RIMKLB: variants seen among roughly 807,000 people sequenced by gnomAD.
RIMKLB encodes the protein ribosomal modification protein rimK like family member B.
RIMKLB carries 7 observed loss-of-function variants against 32.0 expected under a neutral mutation model. The observed-to-expected ratio is 0.22, with a 90% CI of 0.12 to 0.41. The LOEUF (loss-of-function observed/expected upper bound fraction) is 0.41, where lower values mean the gene tolerates loss of function less well. Among genes scored for constraint, RIMKLB ranks in the 10% least tolerant of loss-of-function variants. RIMKLB has a pLI of 1.00. For missense variants in RIMKLB, 289 were observed against 498.7 expected, an observed-to-expected ratio of 0.58 and a Z score of 4.00; for synonymous variants, 172 against 185.1, an observed-to-expected ratio of 0.93 and a Z score of 0.57.
upstream of RIMKLB, among the ~76,000 whole-genome samples, chr12:8,695,848 C>G (rs1453878996): frequency 6.6e-6 from 1 of 152,164 alleles, no homozygotes; most frequent in Non-Finnish European, 1.5e-5. Context: ...CGTGCGCTAT[C>G]ACGCCTGGCT....
At chr12:8,697,979 T>TCG (rs746681662), upstream of RIMKLB, 1,518 of 154,348 alleles carry the variant, frequency 9.8e-3, 13 homozygotes, top group Non-Finnish European at 0.014. Context: ...GTGAGCGGGG[T>TCG]CGCGCGCGCG....
At chr12:8,751,882 CTT>C in intron 3 of RIMKLB, 73 bp from the exon 4 acceptor site, 1 of 965,194 alleles carries the variant, frequency 1.0e-6, no homozygotes, top group South Asian at 1.4e-5. Flanking sequence ...TGTTGGTTGT[CTT>C]TAGCGTTGAT....
chr12:8,681,518 C>T (rs927892889), upstream of RIMKLB: 3 of 152,124 alleles, frequency 2.0e-5, no homozygotes, highest in Non-Finnish European at 2.9e-5. Flanking sequence ...TAATGCATGA[C>T]GTAAGGTGTG....
rs1434698868 is a variant in RIMKLB at position 8,764,602 on chromosome 12, C to T, written c.698-8719C>T. On this transcript the variant is annotated intron_variant, in intron 5 of 5. Coordinates refer to ENST00000535829, the MANE Select transcript of RIMKLB (RefSeq NM_001297776.2). ...CCAGTGTCCAGGAGACAGTTAACCT[C>T]CTGGCCCTCAATGGTCAAGCATACC... Among the ~76,000 whole-genome samples the T allele has an allele frequency of 2.6e-5, 4 of 152,242 alleles. No homozygotes were observed. The East Asian group carries it at 5.8e-4, about 22-fold the overall frequency.
intron 2 of RIMKLB, among the ~76,000 whole-genome samples, chr12:8,727,629 G>A (rs779249464): frequency 6.6e-6 from 1 of 152,252 alleles, no homozygotes; most frequent in Admixed American, 6.5e-5. Flanking sequence ...GTTTTTGGCC[G>A]GACCTTGTTG....
intron 2 of RIMKLB, among the ~76,000 whole-genome samples, chr12:8,732,012 T>G (rs1946591705): frequency 6.6e-6 from 1 of 152,078 alleles, no homozygotes; most frequent in South Asian, 2.1e-4. Flanking sequence ...CTCCTTCCTC[T>G]TCCCCTGCCC....
At chr12:8,738,539 G>C (rs1215542108) in intron 2 of RIMKLB, among the ~76,000 whole-genome samples, 1 of 152,170 alleles carries the variant, frequency 6.6e-6, no homozygotes, top group African/African-American at 2.4e-5. Flanking sequence ...GACAGTATTT[G>C]TATGGTCATC....
At chr12:8,711,741 A>G (rs765507289) in intron 1 of RIMKLB, among the ~76,000 whole-genome samples, 2 of 151,726 alleles carry the variant, frequency 1.3e-5, no homozygotes, top group East Asian at 2.0e-4. Flanking sequence ...TACGTCAGGT[A>G]TTCTGGCGTG....
rs118016574 is a variant in RIMKLB at position 8,764,980 on chromosome 12, T to C, written c.698-8341T>C. Among the ~76,000 whole-genome samples the C allele has an allele frequency of 1.1e-3, 166 of 150,412 alleles. 1 individual carries two copies. Among genetic ancestry groups the C allele is most frequent in the Admixed American group, 1.8e-3 (27 of 14,990 alleles). On this transcript the variant is annotated intron_variant, in intron 5 of 5. Coordinates refer to ENST00000535829, the MANE Select transcript of RIMKLB (RefSeq NM_001297776.2). ...TTTGCCCCATTCCACCTGCTCCTCC[T>C]GATTTCTATTATAAAAAACCGAGAT...
intron 2 of RIMKLB, among the ~76,000 whole-genome samples, chr12:8,733,068 G>C (rs924050235): frequency 7.2e-5 from 11 of 152,058 alleles, no homozygotes; most frequent in African/African-American, 2.7e-4. Flanking sequence ...TAGTATGGCT[G>C]TATACTATTC....
intron 2 of RIMKLB, among the ~76,000 whole-genome samples, chr12:8,740,968 G>A (rs1280909987): frequency 4.0e-5 from 6 of 151,800 alleles, no homozygotes; most frequent in Admixed American, 1.3e-4. Flanking sequence ...CAGCATTTTG[G>A]GAGACTGAGG....
chr12:8,689,673 A>G (rs1297419312), intron 1 of RIMKLB, among the ~76,000 whole-genome samples: 1 of 151,814 alleles, frequency 6.6e-6, no homozygotes, highest in Non-Finnish European at 1.5e-5. Context: ...TTTTATTGAA[A>G]TCACTCCTTT....
At chr12:8,714,277 C>T (rs923406867) in intron 2 of RIMKLB, 1 of 384,320 alleles carries the variant, frequency 2.6e-6, no homozygotes, top group Non-Finnish European at 4.7e-6. Context: ...AACAATAAAA[C>T]AAAGTAGGCG....
downstream of RIMKLB, among the ~76,000 whole-genome samples, chr12:8,781,886 T>C (rs1039764056): frequency 1.3e-5 from 2 of 152,258 alleles, no homozygotes; most frequent in Admixed American, 6.5e-5. Flanking sequence ...ATTTATAAGA[T>C]GCAGACCTGT....
chr12:8,735,717 G>T (rs959012025), intron 2 of RIMKLB, among the ~76,000 whole-genome samples: 2 of 143,810 alleles, frequency 1.4e-5, no homozygotes, highest in Admixed American at 7.0e-5. Context: ...GACTTTCTTC[G>T]TTTTTTTTTT....
At chr12:8,728,155 CTA>C (rs1946208963) in intron 2 of RIMKLB, among the ~76,000 whole-genome samples, 1 of 152,136 alleles carries the variant, frequency 6.6e-6, no homozygotes, top group Admixed American at 6.5e-5. Flanking sequence ...TTGTTGTCTA[CTA>C]TTTTTGTGGA....
intron 2 of RIMKLB, among the ~76,000 whole-genome samples, chr12:8,748,582 TATATTC>T (rs1166346076): frequency 6.7e-6 from 1 of 148,690 alleles, no homozygotes; most frequent in Non-Finnish European, 1.5e-5. Context: ...ACACAAAATT[TATATTC>T]ATACACAATT....
intron 1 of RIMKLB, among the ~76,000 whole-genome samples, chr12:8,686,325 C>T (rs1313320925): frequency 1.3e-5 from 2 of 151,512 alleles, no homozygotes; most frequent in African/African-American, 4.9e-5. Flanking sequence ...GACGGAGTCT[C>T]ACTCTGTCAC....
At chr12:8,700,574 A>C (rs1943299127) in intron 1 of RIMKLB, 1 of 152,222 alleles carries the variant, frequency 6.6e-6, no homozygotes, top group South Asian at 2.1e-4. Context: ...ATACCCACGA[A>C]CAACATGTGA....
Sources: allele counts gnomAD v4.1 joint callset (sites outside exome capture counted in the v4.1 genomes callset), GRCh38; gene constraint gnomAD v4.1.1; transcripts MANE v1.5; gene names NCBI Gene and HGNC (gene_info 2026-07-23, HGNC 2026-07-21).